The following MYO16 variants were observed in gnomAD, a reference collection of about 807,000 sequenced individuals.
MYO16 encodes the protein unconventional myosin-XVI.
MYO16 carries 94 observed loss-of-function variants against 205.3 expected under a neutral mutation model. The observed-to-expected ratio is 0.46, with a 90% confidence interval of 0.39 to 0.54. MYO16 has a LOEUF of 0.54. MYO16 is among the 20% of genes least tolerant of loss of function. The pLI is 0.00. For synonymous variants in MYO16, 988 were observed against 954.0 expected (o/e 1.04, Z -0.66); for missense variants, 2,315 against 2,387.5 (o/e 0.97, Z 0.63).
At chr13:108,516,920 A>ATGTTTTGTTTTGTTTTGTTT in the MYO16 span, among the ~76,000 whole-genome samples, 141 of 151,242 alleles carry the variant, frequency 9.3e-4, 1 homozygote, top group African/African-American at 3.1e-3. Flanking sequence ...TTGAGTAATT[A>ATGTTTTGTTTTGTTTTGTTT]TGTTTTGTTT....
chr13:108,920,660 T>C (rs1881708420), intron 16 of MYO16, among the ~76,000 whole-genome samples: 1 of 152,170 alleles, frequency 6.6e-6, no homozygotes, highest in African/African-American at 2.4e-5. Context: ...GGTTTCACCA[T>C]GTTGGCCAGG....
the MYO16 span, among the ~76,000 whole-genome samples, chr13:108,558,516 G>T: frequency 7.2e-5 from 11 of 152,314 alleles, no homozygotes; most frequent in East Asian, 2.1e-3. Flanking sequence ...TACAGTGTAG[G>T]GTTCTATCAG....
Position 109,141,189 on chromosome 13 carries a change from T to A in MYO16, c.4977T>A (p.Tyr1659Ter). ...GCAGCTCCTTCCCCAAGATCCCATATTCCCCCGTGAAGGCCACCAGGGCGG... is the reference window on the plus strand; with the variant it reads ...GCAGCTCCTTCCCCAAGATCCCATAATCCCCCGTGAAGGCCACCAGGGCGG... ...GPCSSFPKIPYSPVKATRADA... is the reference protein window; with the variant it reads ...GPCSSFPKIP The change falls in exon 32 of 35, where the codon TAT (tyrosine) becomes TAA (stop). Residue 1659 changes from tyrosine to a stop codon, truncating the protein, a stop_gained. Transcript: ENST00000457511. LOFTEE classifies it high-confidence loss of function. This position sits in a 1 kb window ranked among gnomAD's most constrained non-coding sequence, Gnocchi z 4.1. 6.2e-7 allele frequency: 1 copy of A among 1,607,312 alleles called. No homozygotes were observed. The highest frequency in any genetic ancestry group is 8.5e-7 in the Non-Finnish European group (1 of 1,176,946).
intron 16 of MYO16, among the ~76,000 whole-genome samples, chr13:108,911,230 T>A (rs1881250188): frequency 6.6e-6 from 1 of 152,150 alleles, no homozygotes; most frequent in African/African-American, 2.4e-5. Flanking sequence ...ATATCTCCAG[T>A]TCTCTCTGCT....
intron 4 of MYO16, among the ~76,000 whole-genome samples, chr13:108,772,322 C>A (rs1178851848): frequency 6.6e-6 from 1 of 151,916 alleles, no homozygotes; most frequent in Non-Finnish European, 1.5e-5. Flanking sequence ...TGCACTCCAG[C>A]CTGGGCAACA....
At chr13:109,198,807 TGTGGTCCCACTTTACAG>T (rs1296883805) in intron 34 of MYO16, among the ~76,000 whole-genome samples, 3 of 152,164 alleles carry the variant, frequency 2.0e-5, no homozygotes, top group African/African-American at 7.2e-5. Context: ...GGTAATTTCT[TGTGGTCCCACTTTACAG>T]GTGATGAAGC....
intron 27 of MYO16, among the ~76,000 whole-genome samples, chr13:109,059,101 C>A (rs1887505209): frequency 6.6e-6 from 1 of 152,170 alleles, no homozygotes; most frequent in Admixed American, 6.5e-5. Flanking sequence ...CAGTTGCTTT[C>A]TCCACTGGCG....
intron 28 of MYO16, among the ~76,000 whole-genome samples, chr13:109,118,432 A>G (rs157040): frequency 0.012 from 1,839 of 152,336 alleles, 41 homozygotes; most frequent in African/African-American, 0.041. Flanking sequence ...CACTGAATTA[A>G]GAGAGGGGAA....
intron 16 of MYO16, among the ~76,000 whole-genome samples, chr13:108,950,800 T>C (rs2139338849): frequency 6.6e-6 from 1 of 152,302 alleles, no homozygotes; most frequent in African/African-American, 2.4e-5. Flanking sequence ...TCTAGATGTT[T>C]CTCAGACGGG....
chr13:109,000,507 C>T (rs1212012021), intron 21 of MYO16, among the ~76,000 whole-genome samples: 2 of 152,018 alleles, frequency 1.3e-5, no homozygotes, highest in Non-Finnish European at 2.9e-5. Context: ...TTGAAAAAGG[C>T]TTATTATTTT....
chr13:108,503,699 T>C, the MYO16 span, among the ~76,000 whole-genome samples: 2 of 152,130 alleles, frequency 1.3e-5, no homozygotes, highest in African/African-American at 4.8e-5. Flanking sequence ...GCATCCTCAA[T>C]GATATGAGGT....
chr13:109,103,244 A>C (rs2139719399), intron 28 of MYO16, among the ~76,000 whole-genome samples: 1 of 152,340 alleles, frequency 6.6e-6, no homozygotes, highest in East Asian at 1.9e-4. Flanking sequence ...ATGTGTTGCT[A>C]ATTACAGAAA....
chr13:108,654,507 A>G (rs1881155133), intron 1 of MYO16, among the ~76,000 whole-genome samples: 1 of 152,172 alleles, frequency 6.6e-6, no homozygotes, highest in South Asian at 2.1e-4. Flanking sequence ...CCAGTCTTGG[A>G]TATGTCTTTA....
chr13:108,975,659 A>G (rs74370276), intron 20 of MYO16, among the ~76,000 whole-genome samples: 1 of 152,150 alleles, frequency 6.6e-6, no homozygotes, highest in Non-Finnish European at 1.5e-5. Context: ...TTTGCTTTAC[A>G]TGAAGGCTTG....
intron 21 of MYO16, among the ~76,000 whole-genome samples, chr13:108,995,942 GA>G (rs764317909): frequency 6.6e-6 from 1 of 152,182 alleles, no homozygotes; most frequent in Non-Finnish European, 1.5e-5. Flanking sequence ...ACAGGTGCTG[GA>G]GAGGATGTGG....
the MYO16 span, among the ~76,000 whole-genome samples, chr13:108,524,278 C>A: frequency 6.6e-6 from 1 of 151,448 alleles, no homozygotes; most frequent in Admixed American, 6.6e-5. Flanking sequence ...CCACTCCAGC[C>A]TCGGCAACAG....
chr13:108,988,488 G>GA (rs1223769283), intron 20 of MYO16, among the ~76,000 whole-genome samples: 1 of 151,372 alleles, frequency 6.6e-6, no homozygotes, highest in Non-Finnish European at 1.5e-5. Flanking sequence ...TATAAAATGT[G>GA]AAAAAAAGCA....
At chr13:108,706,917 T>G (rs1323955665) in intron 2 of MYO16, among the ~76,000 whole-genome samples, 1 of 152,168 alleles carries the variant, frequency 6.6e-6, no homozygotes, top group Non-Finnish European at 1.5e-5. Context: ...CGGCTAGTGC[T>G]TGATTCCGGG....
intron 12 of MYO16, among the ~76,000 whole-genome samples, chr13:108,878,523 T>A (rs1378394443): frequency 6.6e-6 from 1 of 152,156 alleles, no homozygotes; most frequent in Non-Finnish European, 1.5e-5. Flanking sequence ...ATCCTTCAAG[T>A]CCGTGTGTGA....
Sources: allele counts gnomAD v4.1 joint callset (sites outside exome capture counted in the v4.1 genomes callset), GRCh38; gene constraint gnomAD v4.1.1; non-coding constraint Gnocchi (gnomAD v3.1); transcripts MANE v1.5; gene names NCBI Gene and HGNC (gene_info 2026-07-23, HGNC 2026-07-21).